Variants in ISG20L2 observed in about 807,000 individuals in gnomAD.
The protein encoded by ISG20L2 is interferon-stimulated 20 kDa exonuclease-like 2.
A neutral mutation model predicts 27.8 loss-of-function variants in ISG20L2; 14 were observed. The ratio of observed to expected loss-of-function variants is 0.50; its 90% CI spans 0.33 to 0.79. The LOEUF (loss-of-function observed/expected upper bound fraction) is 0.79. Ranked by LOEUF, ISG20L2 falls within the 30% of genes least tolerant of loss-of-function variation. The probability of loss-of-function intolerance (pLI) is 0.02; values close to 1 mark genes in which losing one functional copy is unlikely to be tolerated. For synonymous variants in ISG20L2, 157 were observed against 165.7 expected, an observed-to-expected ratio of 0.95 and a Z score of 0.40; for missense variants, 393 against 435.1, an observed-to-expected ratio of 0.90 and a Z score of 0.86.
At position 156,723,557 on chromosome 1, in the gene ISG20L2, TAC is replaced by T. The variant is rs1160891362; in HGVS notation, c.949-97_949-96del. 75 of 1,551,038 alleles carry T rather than the reference TAC, an allele frequency of 4.8e-5. No homozygotes were observed. The East Asian group carries it at 1.5e-3, about 31-fold the overall frequency. ...GTACTCCTCTTCCCCCTGCCTCCGC[TAC>T]ACAGTTTCTTCTGCAGTCAGCAGCC... On this transcript the variant is annotated intron_variant, in intron 3 of 3. Transcript: ENST00000368219.
chr1:156,723,036 C>T lies in ISG20L2; in HGVS notation c.*313G>A. On this transcript the variant is annotated 3_prime_UTR_variant, in exon 4 of 4. Transcript: ENST00000368219. ...AAACTACATTTCCCAGTATGCCCTG[C>T]CCCTTGAAAGTTAAAAATCTTAACT... 3 of 287,874 alleles carry T rather than the reference C, an allele frequency of 1.0e-5. No individual in the cohort carries two copies. The highest frequency in any genetic ancestry group is 1.4e-4 in the South Asian group (2 of 14,392). 17.8% of individuals were successfully genotyped at this position (287,874 alleles called of 1,614,324 possible).
chr1:156,724,721 A>G, intron 2 of ISG20L2: 1 of 1,002,832 alleles, frequency 1.0e-6, no homozygotes. Context: ...TGTTGGCCTT[A>G]GACACATGGC....
chr1:156,725,784 T>C, intron 2 of ISG20L2: 1 of 834,028 alleles, frequency 1.2e-6, no homozygotes, highest in Non-Finnish European at 1.4e-6. Flanking sequence ...CCTATGCCTT[T>C]GCTTGGCTGC....
chr1:156,728,090 T>C (rs1571498128), intron 1 of ISG20L2: 2 of 996,160 alleles, frequency 2.0e-6, no homozygotes, highest in South Asian at 4.3e-5. Flanking sequence ...CTAGAACACG[T>C]GCGATCTATA....
chr1:156,727,319 C>T lies in ISG20L2; in HGVS notation c.334G>A (p.Val112Ile). 1 of 1,614,188 alleles carries T rather than the reference C, an allele frequency of 6.2e-7. No individual in the cohort carries two copies. The highest frequency in any genetic ancestry group is 8.5e-7 in the Non-Finnish European group (1 of 1,180,032). The change falls in exon 2 of 4, where the codon GTT (valine) becomes ATT (isoleucine). Residue 112 changes from valine (V) to isoleucine (I), a missense_variant. Transcript: ENST00000368219. The stretch of plus-strand genomic sequence containing the variant: ...CCCAGCAAATCTACTTTAGCAGCAA[C>T]AGAATCAGCCTTTTTTGAAGGGGCA... ...TPAPSKKADSVAAKVDLLGEF... is the reference protein window; with the variant it reads ...TPAPSKKADSIAAKVDLLGEF...
In ISG20L2 at chr1:156,722,055, G is replaced by C. The variant is rs1243604044; in HGVS notation, c.*1294C>G. 1 of 152,162 alleles carries C rather than the reference G, an allele frequency of 6.6e-6. No homozygotes were observed. Among genetic ancestry groups the C allele is most frequent in the African/African-American group, 2.4e-5 (1 of 41,430 alleles). The allele number at this position is 152,162 out of a possible 1,614,324, so 9.4% of individuals were successfully genotyped here. ...ATAAACCCCCTATTACCTTAGGAAA[G>C]AGACAGCTTTCCTAAATCACAGAAG... On this transcript the variant is annotated 3_prime_UTR_variant, in exon 4 of 4. Coordinates refer to ENST00000368219, the MANE Select transcript of ISG20L2 (RefSeq NM_001370150.2).
chr1:156,728,063 C>T (rs750440810), intron 1 of ISG20L2: 7 of 1,005,290 alleles, frequency 7.0e-6, no homozygotes, highest in African/African-American at 3.5e-5. Flanking sequence ...GAGCTCGAAC[C>T]CTCTGAGTCT....
rs1648951912 is a variant in ISG20L2 at position 156,728,748 on chromosome 1, C to G, written c.-451G>C. ...CGCCGGACACCTCCGGCTTCACTTC[C>G]GTAAGAGGAGAGGAGTGTACGGCAA... On this transcript the variant is annotated 5_prime_UTR_variant, in exon 1 of 4. Coordinates refer to ENST00000368219, the MANE Select transcript of ISG20L2 (RefSeq NM_001370150.2). 9.8e-7 allele frequency: 1 copy of G among 1,015,656 alleles called. No homozygotes were observed. Among genetic ancestry groups the G allele is most frequent in the Admixed American group, 5.9e-5 (1 of 16,896 alleles). The allele number at this position is 1,015,656 out of a possible 1,614,324, so 62.9% of individuals were successfully genotyped here. A position where few individuals can be genotyped will look rare whatever the true frequency, so the allele number is the denominator to read the frequency against.
chr1:156,728,246 G>C (rs1288315590), intron 1 of ISG20L2, 169 bp downstream of exon 1: 1 of 985,900 alleles, frequency 1.0e-6, no homozygotes, highest in African/African-American at 1.7e-5. Context: ...CTCCAGGCCG[G>C]AATTGGGGGC....
chr1:156,724,120 G>A, intron 3 of ISG20L2, 28 bp downstream of exon 3: 1 of 1,582,354 alleles, frequency 6.3e-7, no homozygotes, highest in Non-Finnish European at 8.7e-7. Context: ...TGTCCAAGAT[G>A]GGGGCGGGGG....
chr1:156,724,298 G>T lies in ISG20L2; in HGVS notation c.798C>A (p.Asn266Lys). 5 of 1,613,872 alleles carry T rather than the reference G, an allele frequency of 3.1e-6. No individual in the cohort carries two copies. The highest frequency in any genetic ancestry group is 4.2e-6 in the Non-Finnish European group (5 of 1,179,790). ...GAAAGTACTGAAGGGCTTTGAAGTC[G>T]TTGTGGATGGCATGCCCCACCACTA... ...GKIVVGHAIH[N>K]DFKALQYFHP... Residue 266 changes from asparagine (N) to lysine (K), a missense_variant, in exon 3 of 4, where the codon AAC becomes AAA. By Grantham distance (94) the Asn-to-Lys change is moderately conservative (BLOSUM62 0). Transcript: ENST00000368219.
In ISG20L2 at chr1:156,728,486, C is replaced by A. The variant is rs934933137; in HGVS notation, c.-189G>T. On this transcript the variant is annotated 5_prime_UTR_variant, in exon 1 of 4. Transcript: ENST00000368219. ...CGGAAATCGGTGCGCGCCGACGAAG[C>A]CCGGGAAGGCAGGCGCGCGGGTTAG... 2.0e-6 allele frequency: 2 copies of A among 985,638 alleles called. No individual in the cohort carries two copies. Among genetic ancestry groups the A allele is most frequent in the Non-Finnish European group, 2.4e-6 (2 of 829,934 alleles). The allele number at this position is 985,638 out of a possible 1,614,324, so 61.1% of individuals were successfully genotyped here.
In ISG20L2 at chr1:156,725,931, G is replaced by A. The variant is rs372014314; in HGVS notation, c.747+975C>T. The A allele has an allele frequency of 1.0e-5, 10 of 985,430 alleles. 1 individual carries two copies. The South Asian group carries it at 4.7e-4, about 46-fold the overall frequency. The allele number at this position is 985,430 out of a possible 1,614,324, so 61.0% of individuals were successfully genotyped here. On this transcript the variant is annotated intron_variant, in intron 2 of 3. Transcript: ENST00000368219. The stretch of plus-strand genomic sequence containing the variant: ...ACAGCGTGTCCAGAGAGGGCAGAGT[G>A]TGGACCTGAAACTGCAAAGACGTGG...
Position 156,726,021 on chromosome 1 carries a change from T to C in ISG20L2, c.747+885A>G, listed in dbSNP as rs1020139441. 1.3e-5 allele frequency: 13 copies of C among 985,194 alleles called. No individual in the cohort carries two copies. The African/African-American group carries it at 2.3e-4, about 17-fold the overall frequency. The allele number at this position is 985,194 out of a possible 1,614,324, so 61.0% of individuals were successfully genotyped here. On this transcript the variant is annotated intron_variant, in intron 2 of 3. Coordinates refer to ENST00000368219, the MANE Select transcript of ISG20L2 (RefSeq NM_001370150.2). ...TCTCTTGCTCTCCCTTCACTTCCTC[T>C]TTCACCCCTCCCAGCTCACTCTCCT...
At chr1:156,723,554 C>T (rs527804710) in intron 3 of ISG20L2, 92 bp from the exon 4 acceptor site, 63 of 1,556,026 alleles carry the variant, frequency 4.0e-5, no homozygotes, top group South Asian at 2.0e-4. Context: ...CCCCTGCCTC[C>T]GCTACACAGT....
chr1:156,723,468 C>A lies in ISG20L2; in HGVS notation c.949-6G>T. The A allele has an allele frequency of 6.2e-7, 1 of 1,614,114 alleles. No individual in the cohort carries two copies. The highest frequency in any genetic ancestry group is 8.5e-7 in the Non-Finnish European group (1 of 1,179,998). On this transcript the variant is annotated splice_region_variant and splice_polypyrimidine_tract_variant and intron_variant, in intron 3 of 3. Coordinates refer to ENST00000368219, the MANE Select transcript of ISG20L2 (RefSeq NM_001370150.2). ...GAATGTCCGCTCTTCCCAACCTGAG[C>A]AAGCAAGGAAGACAAGAGCATGAAG... is the stretch of plus-strand genomic sequence containing the variant.
In ISG20L2 at chr1:156,722,260, T is replaced by G. The variant is rs1293080934; in HGVS notation, c.*1089A>C. 2 of 148,888 alleles carry G rather than the reference T, an allele frequency of 1.3e-5. No individual in the cohort carries two copies. The highest frequency in any genetic ancestry group is 2.9e-5 in the Non-Finnish European group (2 of 67,850). 9.2% of individuals were successfully genotyped at this position (148,888 alleles called of 1,614,324 possible). A position where few individuals can be genotyped will look rare whatever the true frequency, so the allele number is the denominator to read the frequency against. On this transcript the variant is annotated 3_prime_UTR_variant, in exon 4 of 4. Transcript: ENST00000368219. ...TGACATGGAAAGGGACCACACAATT[T>G]TAATTTTTTTTTTTTTTTGAGACAG...
intron 2 of ISG20L2, chr1:156,726,205 C>A (rs931783503): frequency 1.0e-6 from 1 of 985,394 alleles, no homozygotes; most frequent in Non-Finnish European, 1.2e-6. Context: ...CCCTCTCTTA[C>A]CACCACCACT....
At chr1:156,726,056 T>A (rs1320888357) in intron 2 of ISG20L2, 2 of 985,318 alleles carry the variant, frequency 2.0e-6, no homozygotes, top group African/African-American at 1.7e-5. Context: ...TTTCCGTTCA[T>A]GCCTTGCGCT....
Sources: allele counts gnomAD v4.1 joint callset, GRCh38; gene constraint gnomAD v4.1.1; transcripts MANE v1.5; gene names NCBI Gene and HGNC (gene_info 2026-07-23, HGNC 2026-07-21).